STN1: variants seen among roughly 807,000 people sequenced by gnomAD.
The protein encoded by STN1 is STN1 subunit of CST complex.
A neutral mutation model predicts 45.5 loss-of-function variants in STN1; 29 were observed. The ratio of observed to expected loss-of-function variants is 0.64; its 90% CI spans 0.47 to 0.87. The LOEUF (loss-of-function observed/expected upper bound fraction) is 0.87. Ranked by LOEUF, STN1 falls within the 40% of genes least tolerant of loss-of-function variation. The pLI is 0.00. For synonymous variants in STN1, 148 were observed against 159.0 expected (o/e 0.93, Z 0.52); for missense variants, 376 against 441.4 (o/e 0.85, Z 1.33).
At position 103,878,033 on chromosome 10, in the gene STN1, T is replaced by C. The variant is rs1843042007; in HGVS notation, c.*4651A>G. 6.6e-6 allele frequency: 1 copy of C among 152,250 alleles called. No homozygotes were observed. The allele number at this position is 152,250 out of a possible 1,614,324, so 9.4% of individuals were successfully genotyped here. On this transcript the variant is annotated 3_prime_UTR_variant, in exon 10 of 10. Transcript: ENST00000224950. ...GGTTCCTTGTCACTGAACAGCCTTC[T>C]TTCCACTTGGCTTCTCTTGGCCAGC...
intron 2 of STN1, among the ~76,000 whole-genome samples, chr10:103,914,883 C>T (rs1339941275): frequency 6.6e-6 from 1 of 152,172 alleles, no homozygotes; most frequent in East Asian, 1.9e-4. Flanking sequence ...AACAATACTG[C>T]CCTCATTTGA....
At chr10:103,892,337 T>C in intron 7 of STN1, 85 bp from the exon 8 acceptor site, 1 of 1,304,716 alleles carries the variant, frequency 7.7e-7, no homozygotes, top group Non-Finnish European at 1.0e-6. Flanking sequence ...AACTGGTTCA[T>C]GAATTTGTCC....
rs1364481345 is a variant in STN1 at position 103,880,314 on chromosome 10, A to C, written c.*2370T>G. Among the ~76,000 whole-genome samples the C allele has an allele frequency of 6.6e-6, 1 of 152,234 alleles. No individual in the cohort carries two copies. Among genetic ancestry groups the C allele is most frequent in the African/African-American group, 2.4e-5 (1 of 41,454 alleles). On this transcript the variant is annotated 3_prime_UTR_variant, in exon 10 of 10. Transcript: ENST00000224950. The stretch of plus-strand genomic sequence containing the variant: ...TGTAGGTATTACTGGAAAAGGCAAC[A>C]TTCGATTGGTTAAGGCGTTATTCAG...
At chr10:103,909,579 C>T (rs1843276890) in intron 3 of STN1, among the ~76,000 whole-genome samples, 1 of 147,252 alleles carries the variant, frequency 6.8e-6, no homozygotes, top group African/African-American at 2.5e-5. Flanking sequence ...AAAAAATAAG[C>T]TTTTATTTTT....
chr10:103,880,224 A>C lies in STN1; in HGVS notation c.*2460T>G, dbSNP rs924203774. On this transcript the variant is annotated 3_prime_UTR_variant, in exon 10 of 10. Transcript: ENST00000224950. ...GGTGGTCCCCCTACCCAAAGGCAGG[A>C]AAGTCCCCTTAATATGGGGGAGTCT... 6.6e-6 allele frequency among the ~76,000 whole-genome samples: 1 copy of C among 152,218 alleles called. No homozygotes were observed. Among genetic ancestry groups the C allele is most frequent in the Admixed American group, 6.5e-5 (1 of 15,284 alleles).
intron 3 of STN1, among the ~76,000 whole-genome samples, chr10:103,905,725 G>GT (rs1294026012): frequency 7.2e-5 from 11 of 152,176 alleles, no homozygotes. Flanking sequence ...CGCAGGGGCT[G>GT]TAAGGAAAGC....
At chr10:103,886,578 T>C (rs932594222) in intron 9 of STN1, among the ~76,000 whole-genome samples, 2 of 152,200 alleles carry the variant, frequency 1.3e-5, no homozygotes, top group South Asian at 2.1e-4. Context: ...ATACAGATTC[T>C]ATCTGAAACT....
At chr10:103,901,894 G>A (rs1033033854) in intron 4 of STN1, among the ~76,000 whole-genome samples, 1 of 152,014 alleles carries the variant, frequency 6.6e-6, no homozygotes, top group African/African-American at 2.4e-5. Flanking sequence ...ATGCATGCAG[G>A]CTCACAACTC....
intron 3 of STN1, among the ~76,000 whole-genome samples, chr10:103,910,248 C>T (rs1449906242): frequency 1.3e-5 from 2 of 152,196 alleles, no homozygotes; most frequent in Admixed American, 6.5e-5. Flanking sequence ...CCCCCCTGCC[C>T]GTCCATCGAT....
At position 103,898,802 on chromosome 10, in the gene STN1, A is replaced by G. The variant is rs1011739833; in HGVS notation, c.581+75T>C. On this transcript the variant is annotated intron_variant, in intron 6 of 9. Transcript: ENST00000224950. ...TGATTCGGGATTTGAACCTAGGCCG[A>G]TCCCAGCATCTGGGCTCAGCTGCTT... 20 of 1,577,656 alleles carry G rather than the reference A, an allele frequency of 1.3e-5. No homozygotes were observed. In the Admixed American group the frequency reaches 3.4e-4, roughly 27 times the overall value.
Position 103,897,600 on chromosome 10 carries a change from G to A in STN1, c.701C>T (p.Ser234Phe), listed in dbSNP as rs1212897383. Residue 234 changes from serine to phenylalanine, a missense_variant, in exon 7 of 10, where the codon TCT becomes TTT. Transcript: ENST00000224950. Reference protein sequence around the residue: ...FYQQELEMVESLLSLANQPVI... With the variant: ...FYQQELEMVEFLLSLANQPVI... Reference sequence around the variant, plus strand: ...AGGCTGATTGGCAAGGGACAGCAAAGACTCCACCATTTCCAGCTCCTGCTG... The same window carrying A: ...AGGCTGATTGGCAAGGGACAGCAAAAACTCCACCATTTCCAGCTCCTGCTG... 1.2e-6 allele frequency: 2 copies of A among 1,614,150 alleles called. No individual in the cohort carries two copies. Among genetic ancestry groups the A allele is most frequent in the Admixed American group, 3.3e-5 (2 of 60,016 alleles).
At chr10:103,909,492 GTGTGTATA>G (rs1309595167) in intron 3 of STN1, among the ~76,000 whole-genome samples, 4,048 of 41,650 alleles carry the variant, frequency 0.097, 870 homozygotes, top group African/African-American at 0.21. Context: ...ATATATGTGT[GTGTGTATA>G]TGTATATATG....
chr10:103,890,830 C>T (rs139504619), intron 8 of STN1, among the ~76,000 whole-genome samples: 102 of 152,318 alleles, frequency 6.7e-4, no homozygotes, highest in African/African-American at 2.3e-3. Context: ...AGGAATCTTG[C>T]CTGTGAATAG....
At position 103,877,731 on chromosome 10, in the gene STN1, T is replaced by C. The variant is rs1356066279; in HGVS notation, c.*4953A>G. On this transcript the variant is annotated 3_prime_UTR_variant, in exon 10 of 10. Coordinates refer to ENST00000224950, the MANE Select transcript of STN1 (RefSeq NM_024928.5). ...CATTTACAGCCTCCACCAGCAGAAA[T>C]CATGCAAATAAGAACCACTGCAGAG... The C allele has an allele frequency of 6.6e-6, 1 of 152,214 alleles. No homozygotes were observed. The highest frequency in any genetic ancestry group is 2.4e-5 in the African/African-American group (1 of 41,460). The allele number at this position is 152,214 out of a possible 1,614,324, so 9.4% of individuals were successfully genotyped here. A position where few individuals can be genotyped will look rare whatever the true frequency, so the allele number is the denominator to read the frequency against.
At chr10:103,895,128 T>G (rs1843162893) in intron 7 of STN1, among the ~76,000 whole-genome samples, 1 of 152,204 alleles carries the variant, frequency 6.6e-6, no homozygotes, top group Admixed American at 6.5e-5. Context: ...ACCAGAGCAA[T>G]GTGAGGGACT....
intron 9 of STN1, among the ~76,000 whole-genome samples, chr10:103,887,149 C>T (rs190908490): frequency 6.7e-4 from 102 of 152,258 alleles, no homozygotes; most frequent in African/African-American, 2.3e-3. Context: ...GACTGAGGGT[C>T]GGATATTTAC....
At chr10:103,884,690 T>TGCGGTGTGAGGCAAA (rs1843092143) in intron 9 of STN1, among the ~76,000 whole-genome samples, 1 of 152,158 alleles carries the variant, frequency 6.6e-6, no homozygotes, top group African/African-American at 2.4e-5. Context: ...GAAGAGGTAT[T>TGCGGTGTGAGGCAAA]GCGGTGTGAG....
At chr10:103,886,248 C>T (rs1468083658) in intron 9 of STN1, among the ~76,000 whole-genome samples, 1 of 152,114 alleles carries the variant, frequency 6.6e-6, no homozygotes, top group Non-Finnish European at 1.5e-5. Context: ...GAAAGGCTGC[C>T]ATTTTGGAAC....
chr10:103,886,170 A>C (rs745759232), intron 9 of STN1, among the ~76,000 whole-genome samples: 48 of 152,348 alleles, frequency 3.2e-4, no homozygotes, highest in Non-Finnish European at 6.9e-4. Context: ...CTGGGATAGT[A>C]AAAAATGAAC....
Sources: allele counts gnomAD v4.1 joint callset (sites outside exome capture counted in the v4.1 genomes callset), GRCh38; gene constraint gnomAD v4.1.1; transcripts MANE v1.5; gene names NCBI Gene and HGNC (gene_info 2026-07-23, HGNC 2026-07-21).